Variants in IL4I1 observed in about 807,000 individuals in gnomAD.
IL4I1 encodes L-amino-acid oxidase.
IL4I1 carries 24 observed loss-of-function variants against 29.7 expected under a neutral mutation model. That is an observed-to-expected ratio of 0.81 (90% CI 0.59 to 1.14). The LOEUF (loss-of-function observed/expected upper bound fraction) is 1.14, where lower values mean the gene tolerates loss of function less well. IL4I1 is among the 50% of genes most tolerant of loss of function. The probability of loss-of-function intolerance (pLI) is 0.00; values close to 1 mark genes in which losing one functional copy is unlikely to be tolerated. For synonymous variants in IL4I1, 371 were observed against 352.5 expected (o/e 1.05, Z -0.59); for missense variants, 686 against 785.6 (o/e 0.87, Z 1.52).
intron 2 of IL4I1, chr19:49,908,027 G>T: frequency 1.9e-6 from 2 of 1,038,020 alleles, no homozygotes; most frequent in Non-Finnish European, 2.7e-6. Flanking sequence ...AGCCACAGAA[G>T]CCACACCCAT....
At position 49,890,965 on chromosome 19, in the gene IL4I1, C is replaced by CCCCA; in HGVS notation, c.773+5_773+6insTGGG. ...CCCCCCCCTGCCCGCCAGCCCCGCC[C>CCCCA]CTTACTGGAGTCTGTCGCTGAGGCA... is the stretch of plus-strand genomic sequence containing the variant. On this transcript the variant is annotated splice_donor_region_variant and intron_variant, in intron 7 of 7. Transcript: ENST00000391826. The CCCCA allele has an allele frequency of 6.5e-7, 1 of 1,531,616 alleles. No homozygotes were observed. The highest frequency in any genetic ancestry group is 8.8e-7 in the Non-Finnish European group (1 of 1,137,622). 94.9% of individuals were successfully genotyped at this position (1,531,616 alleles called of 1,614,324 possible). A position where few individuals can be genotyped will look rare whatever the true frequency, so the allele number is the denominator to read the frequency against.
intron 4 of IL4I1, 38 bp from the exon 5 acceptor site, chr19:49,894,507 G>A (rs1410675768): frequency 6.3e-7 from 1 of 1,588,126 alleles, no homozygotes. Flanking sequence ...CCGGGCTCCA[G>A]TGGGGGTGGC....
upstream of IL4I1, among the ~76,000 whole-genome samples, chr19:49,899,661 A>C (rs2075253739): frequency 6.6e-6 from 1 of 150,786 alleles, no homozygotes; most frequent in Admixed American, 6.6e-5. Context: ...GGTTCACGCC[A>C]TTCTCCTGCC....
chr19:49,920,604 G>T (rs115398610), intron 2 of IL4I1, among the ~76,000 whole-genome samples: 92 of 152,362 alleles, frequency 6.0e-4, no homozygotes, highest in African/African-American at 2.2e-3. Context: ...AGGCGGATAG[G>T]CGTCAGGCTC....
chr19:49,902,234 G>T lies in IL4I1; in HGVS notation c.-104-413C>A, dbSNP rs376321132. Reference sequence around the variant, plus strand: ...GGGCTGGTCTCGAACTCCTGACTTCGGGTGATCCCTCCCATCTTGGCCTCC... The same window carrying T: ...GGGCTGGTCTCGAACTCCTGACTTCTGGTGATCCCTCCCATCTTGGCCTCC... On this transcript the variant is annotated intron_variant, in intron 3 of 9. Transcript: ENST00000341114. 3.0e-4 allele frequency among the ~76,000 whole-genome samples: 46 copies of T among 152,238 alleles called. 3 individuals carry two copies. The South Asian group carries it at 7.3e-3, about 24-fold the overall frequency.
chr19:49,911,669 C>T (rs569397159), intron 2 of IL4I1, among the ~76,000 whole-genome samples: 15 of 152,340 alleles, frequency 9.8e-5, no homozygotes, highest in African/African-American at 2.9e-4. Flanking sequence ...CAGCTGCACA[C>T]GCTCTGCCTT....
intron 2 of IL4I1, among the ~76,000 whole-genome samples, chr19:49,925,838 T>C (rs2075873365): frequency 6.6e-6 from 1 of 152,204 alleles, no homozygotes; most frequent in African/African-American, 2.4e-5. Context: ...GTGAGGGGCA[T>C]ACAGAAATTC....
chr19:49,907,592 A>G, intron 2 of IL4I1: 1 of 401,122 alleles, frequency 2.5e-6, no homozygotes. Context: ...GCTGGAGTGC[A>G]GTGGTGTGAT....
At chr19:49,913,402 G>C (rs2075531315) in intron 2 of IL4I1, among the ~76,000 whole-genome samples, 1 of 152,200 alleles carries the variant, frequency 6.6e-6, no homozygotes, top group Non-Finnish European at 1.5e-5. Flanking sequence ...ACTCTAGAGA[G>C]TCCATGTTGA....
upstream of IL4I1, among the ~76,000 whole-genome samples, chr19:49,901,015 C>T (rs928891315): frequency 2.0e-5 from 3 of 152,198 alleles, no homozygotes; most frequent in Non-Finnish European, 2.9e-5. Context: ...TGCTGGGGAC[C>T]GGGCCCCTGC....
In IL4I1 at chr19:49,893,583, T is replaced by G. The variant is rs118010943; in HGVS notation, c.567+685A>C. ...CTCCATCAGCCCATGGATCTATGTT[T>G]AAGCCAGAGGTGGAGACTGGGGAGG... On this transcript the variant is annotated intron_variant, in intron 5 of 7. Coordinates refer to ENST00000391826, the MANE Select transcript of IL4I1 (RefSeq NM_152899.2). Among the ~76,000 whole-genome samples the G allele has an allele frequency of 5.1e-3, 781 of 151,988 alleles. 1 individual carries two copies. Among genetic ancestry groups the G allele is most frequent in the Middle Eastern group, 0.017 (5 of 294 alleles).
intron 2 of IL4I1, among the ~76,000 whole-genome samples, chr19:49,924,652 T>C (rs915496986): frequency 6.6e-6 from 1 of 151,932 alleles, no homozygotes; most frequent in Non-Finnish European, 1.5e-5. Flanking sequence ...CAGGCCTGGG[T>C]CAGGAATGTG....
chr19:49,902,100 A>G (rs1027484639), intron 3 of IL4I1, among the ~76,000 whole-genome samples: 20 of 151,164 alleles, frequency 1.3e-4, no homozygotes, highest in Admixed American at 1.2e-3. Context: ...CCTGGGTTCA[A>G]GTGGTTCTCC....
chr19:49,890,232 C>A lies in IL4I1; in HGVS notation c.1142G>T (p.Arg381Leu). 6.4e-7 allele frequency: 1 copy of A among 1,557,398 alleles called. No homozygotes were observed. The highest frequency in any genetic ancestry group is 1.9e-5 in the Admixed American group (1 of 52,454). The change falls in exon 8 of 8, where the codon CGC (arginine) becomes CTC (leucine). Residue 381 changes from arginine (R) to leucine (L), a missense_variant. Physicochemically the swap from Arg to Leu is moderately radical, Grantham distance 102. Coordinates refer to ENST00000391826, the MANE Select transcript of IL4I1 (RefSeq NM_152899.2). ...GCGCGGCGGCGGGTAGAAAATCATG[C>A]GCGACGGGCGATCGGTGTTTGAGTG... ...GGHSNTDRPS[R>L]MIFYPPPREG...
At chr19:49,918,151 C>T (rs993381835) in intron 2 of IL4I1, among the ~76,000 whole-genome samples, 6 of 151,790 alleles carry the variant, frequency 4.0e-5, no homozygotes, top group African/African-American at 9.7e-5. Flanking sequence ...ACTGCAGCCT[C>T]GACTTTCTGG....
Position 49,889,685 on chromosome 19 carries a change from C to G in IL4I1, c.1689G>C (p.Thr563=). ...GQLSLQNTTH[T]RTSH ...CGAAAATACTTTAATGCGAGGTCCT[C>G]GTGTGGGTCGTGTTTTGGAGAGATA... Residue 563 remains threonine (T), a synonymous_variant, in exon 8 of 8, where the codon ACG becomes ACC. Transcript: ENST00000391826. The G allele has an allele frequency of 6.7e-7, 1 of 1,500,512 alleles. No individual in the cohort carries two copies. The highest frequency in any genetic ancestry group is 8.9e-7 in the Non-Finnish European group (1 of 1,123,676). 92.9% of individuals were successfully genotyped at this position (1,500,512 alleles called of 1,614,324 possible). A position where few individuals can be genotyped will look rare whatever the true frequency, so the allele number is the denominator to read the frequency against.
chr19:49,908,109 G>A (rs1290271799), intron 2 of IL4I1: 1 of 1,505,514 alleles, frequency 6.6e-7, no homozygotes, highest in Non-Finnish European at 8.9e-7. Flanking sequence ...CAGCGATCAT[G>A]TCAAGGGCAG....
intron 2 of IL4I1, among the ~76,000 whole-genome samples, chr19:49,923,272 C>T (rs371754623): frequency 6.6e-6 from 1 of 152,238 alleles, no homozygotes; most frequent in African/African-American, 2.4e-5. Context: ...TCAACCCCGG[C>T]ACCCCTGGCC....
chr19:49,907,471 A>T (rs1334792593), intron 2 of IL4I1: 3 of 437,282 alleles, frequency 6.9e-6, no homozygotes, highest in Non-Finnish European at 1.3e-5. Context: ...CTTGGTGGTT[A>T]GCATGGTTAG....
Sources: gnomAD v4.1 joint callset for allele counts (sites outside exome capture counted in the v4.1 genomes callset) on GRCh38, gnomAD v4.1.1 for gene constraint, MANE v1.5 for transcripts, NCBI Gene and HGNC (gene_info 2026-07-23, HGNC 2026-07-21) for gene names.